RARB: variants seen among roughly 807,000 people sequenced by gnomAD.
RARB encodes retinoic acid receptor beta.
Under a neutral mutation model 51.9 loss-of-function variants are expected in RARB, and 17 were observed. The ratio of observed to expected loss-of-function variants is 0.33; its 90% CI spans 0.22 to 0.49. The LOEUF is 0.49. Ranked by LOEUF, RARB falls within the 20% of genes least tolerant of loss-of-function variation. RARB has a pLI of 0.99. For missense variants in RARB, 369 were observed against 550.8 expected, an observed-to-expected ratio of 0.67 and a Z score of 3.30; for synonymous variants, 215 against 195.4, an observed-to-expected ratio of 1.10 and a Z score of -0.84.
intron 2 of RARB, among the ~76,000 whole-genome samples, chr3:24,957,839 C>T (rs1696050225): frequency 6.6e-6 from 1 of 152,146 alleles, no homozygotes; most frequent in Admixed American, 6.5e-5. Flanking sequence ...GTGATCATAT[C>T]TCCAGTATAA....
chr3:25,579,695 T>C (rs924396611), intron 4 of RARB, among the ~76,000 whole-genome samples: 1 of 152,246 alleles, frequency 6.6e-6, no homozygotes, highest in Non-Finnish European at 1.5e-5. Flanking sequence ...AATGTTCTTA[T>C]TGAAGAAACC....
At chr3:25,376,926 T>C (rs961432879) in intron 5 of RARB, among the ~76,000 whole-genome samples, 1 of 152,186 alleles carries the variant, frequency 6.6e-6, no homozygotes, top group Non-Finnish European at 1.5e-5. Flanking sequence ...CAGTGTGCCA[T>C]GTGTAAAAGA....
At chr3:25,164,233 C>T (rs1019913765) in intron 4 of RARB, among the ~76,000 whole-genome samples, 5 of 152,114 alleles carry the variant, frequency 3.3e-5, no homozygotes, top group African/African-American at 7.2e-5. Flanking sequence ...TGATCTCACC[C>T]GAGAAACTGA....
At chr3:25,238,485 C>G (rs922276091) in intron 5 of RARB, among the ~76,000 whole-genome samples, 2 of 152,086 alleles carry the variant, frequency 1.3e-5, no homozygotes, top group African/African-American at 4.8e-5. Context: ...ACAGGTATCC[C>G]TTTGATATAC....
At chr3:25,214,577 A>G (rs943058019) in intron 5 of RARB, among the ~76,000 whole-genome samples, 1 of 152,178 alleles carries the variant, frequency 6.6e-6, no homozygotes. Context: ...CTGCAGAAGA[A>G]ATTTTCCTAC....
At chr3:25,379,138 C>G (rs1195432459) in intron 5 of RARB, among the ~76,000 whole-genome samples, 1 of 152,092 alleles carries the variant, frequency 6.6e-6, no homozygotes, top group Non-Finnish European at 1.5e-5. Context: ...GTTTAGATAG[C>G]CTTGGTGTGT....
chr3:25,221,951 G>C (rs1415930964), intron 5 of RARB, among the ~76,000 whole-genome samples: 2 of 152,108 alleles, frequency 1.3e-5, no homozygotes, highest in East Asian at 3.9e-4. Context: ...ATTACTATTA[G>C]CACATGTTGT....
chr3:25,173,658 GA>G (rs994944184), intron 4 of RARB, among the ~76,000 whole-genome samples: 80 of 152,050 alleles, frequency 5.3e-4, no homozygotes, highest in African/African-American at 1.7e-3. Context: ...AAAAAAGCAA[GA>G]AAAAAAATTT....
chr3:25,575,299 G>T (rs748273686), intron 4 of RARB, among the ~76,000 whole-genome samples: 18 of 152,122 alleles, frequency 1.2e-4, no homozygotes, highest in Non-Finnish European at 2.4e-4. Context: ...GCAGGACACC[G>T]ACCAGTACCC....
chr3:24,897,023 G>A (rs1162394130), intron 2 of RARB, among the ~76,000 whole-genome samples: 2 of 152,154 alleles, frequency 1.3e-5, no homozygotes, highest in Non-Finnish European at 2.9e-5. Context: ...CATGGAAAAC[G>A]ACTGGAAGTC....
At chr3:25,187,415 G>T (rs1022605554) in intron 5 of RARB, among the ~76,000 whole-genome samples, 7 of 151,884 alleles carry the variant, frequency 4.6e-5, no homozygotes, top group Non-Finnish European at 4.4e-5. Context: ...CAGCAGAAAG[G>T]ATAAAGTTTT....
chr3:25,104,952 C>G (rs1575162329), intron 3 of RARB, among the ~76,000 whole-genome samples: 1 of 152,218 alleles, frequency 6.6e-6, no homozygotes, highest in Non-Finnish European at 1.5e-5. Flanking sequence ...TCGTCATGTT[C>G]TATTTCTAAA....
intron 5 of RARB, among the ~76,000 whole-genome samples, chr3:25,354,317 G>C (rs540621891): frequency 1.3e-5 from 2 of 152,160 alleles, no homozygotes; most frequent in East Asian, 3.9e-4. Flanking sequence ...AATCCTTGAG[G>C]AGACTGTGGT....
At chr3:25,024,926 C>A (rs1697711703) in intron 2 of RARB, 1 of 142,956 alleles carries the variant, frequency 7.0e-6, no homozygotes, top group Non-Finnish European at 1.5e-5. Flanking sequence ...GTCACTCCAG[C>A]CTGGACAACA....
intron 4 of RARB, among the ~76,000 whole-genome samples, chr3:25,148,380 A>G (rs1700228342): frequency 6.6e-6 from 1 of 152,256 alleles, no homozygotes. Flanking sequence ...AAATGGTCTC[A>G]TAAATTACAA....
chr3:24,863,934 C>T (rs775592509), intron 2 of RARB, among the ~76,000 whole-genome samples: 1 of 152,112 alleles, frequency 6.6e-6, no homozygotes, highest in Non-Finnish European at 1.5e-5. Flanking sequence ...AGGCCCGCCC[C>T]TCCCTGAGGC....
At position 25,123,112 on chromosome 3, in the gene RARB, G is replaced by A. The variant is rs117079536; in HGVS notation, c.-327-9049G>A. Among the ~76,000 whole-genome samples, 611 of 152,244 alleles carry A rather than the reference G, an allele frequency of 4.0e-3. 5 individuals are homozygous for A. Among genetic ancestry groups the A allele is most frequent in the East Asian group, 0.018 (91 of 5,170 alleles). ...ACTTGGCACTTGGGGTGTCGGCAGG[G>A]AGGAGTTTCATAACTGTTTTCTGCT... On this transcript the variant is annotated intron_variant, in intron 3 of 11. Transcript: ENST00000383772.
intron 3 of RARB, among the ~76,000 whole-genome samples, chr3:25,506,158 C>A (rs1272378129): frequency 6.9e-6 from 1 of 145,584 alleles, no homozygotes; most frequent in Non-Finnish European, 1.5e-5. Flanking sequence ...GAGGCCAAGG[C>A]AGGAGAATCG....
intron 1 of RARB, among the ~76,000 whole-genome samples, chr3:25,434,776 G>C (rs893667246): frequency 1.3e-5 from 2 of 151,734 alleles, no homozygotes; most frequent in African/African-American, 4.8e-5. Flanking sequence ...TCCTGACCTC[G>C]TGATCTGCCC....
Sources: gnomAD v4.1 joint callset for allele counts (sites outside exome capture counted in the v4.1 genomes callset) on GRCh38, gnomAD v4.1.1 for gene constraint, MANE v1.5 for transcripts, NCBI Gene and HGNC (gene_info 2026-07-23, HGNC 2026-07-21) for gene names.